ASTN2: variants seen among roughly 807,000 people sequenced by gnomAD.
ASTN2 encodes the protein astrotactin 2.
A neutral mutation model predicts 139.8 loss-of-function variants in ASTN2; 54 were observed. The ratio of observed to expected loss-of-function variants is 0.39; its 90% CI spans 0.31 to 0.48. The LOEUF is 0.48. Among genes scored for constraint, ASTN2 ranks in the 20% least tolerant of loss-of-function variants. The probability of loss-of-function intolerance (pLI) is 0.95; values close to 1 mark genes in which losing one functional copy is unlikely to be tolerated. For synonymous variants in ASTN2, 756 were observed against 719.5 expected (o/e 1.05, Z -0.81); for missense variants, 1,565 against 1,725.1 (o/e 0.91, Z 1.64).
intron 16 of ASTN2, chr9:116,686,669 A>C: frequency 1.9e-6 from 3 of 1,548,328 alleles, no homozygotes; most frequent in Non-Finnish European, 2.6e-6. Context: ...CCCGAGCAAA[A>C]CTACACTTGG....
chr9:116,640,973 T>A (rs1488220736), intron 17 of ASTN2, among the ~76,000 whole-genome samples: 1 of 151,996 alleles, frequency 6.6e-6, no homozygotes, highest in Non-Finnish European at 1.5e-5. Context: ...GGGGAATGGG[T>A]GCAGGTGGAA....
chr9:116,824,381 CTG>C (rs1379400344), intron 11 of ASTN2, among the ~76,000 whole-genome samples: 1 of 56,436 alleles, frequency 1.8e-5, no homozygotes, highest in Non-Finnish European at 3.9e-5. Context: ...CTCCCTCTGT[CTG>C]TCTCTCTCTC....
intron 22 of ASTN2, chr9:116,437,077 G>A (rs1327848276): frequency 8.0e-6 from 2 of 251,304 alleles, no homozygotes; most frequent in African/African-American, 4.7e-5. Flanking sequence ...GGGTGGGGGA[G>A]GGATAGCATT....
intron 10 of ASTN2, among the ~76,000 whole-genome samples, chr9:116,908,329 C>T (rs1834220975): frequency 6.6e-6 from 1 of 152,244 alleles, no homozygotes; most frequent in East Asian, 1.9e-4. Context: ...TCTAAGTCAG[C>T]CTTTTCCTCA....
intron 2 of ASTN2, among the ~76,000 whole-genome samples, chr9:117,255,956 C>G (rs543752438): frequency 6.6e-6 from 1 of 152,304 alleles, no homozygotes; most frequent in East Asian, 1.9e-4. Context: ...AAGCACACAT[C>G]TAGAGATAAT....
chr9:117,268,306 T>G (rs1833982165), intron 2 of ASTN2, among the ~76,000 whole-genome samples: 1 of 152,134 alleles, frequency 6.6e-6, no homozygotes, highest in Non-Finnish European at 1.5e-5. Context: ...AATAACCTCT[T>G]GGAAAATAAG....
chr9:116,964,682 T>C (rs1835967514), intron 10 of ASTN2, among the ~76,000 whole-genome samples: 1 of 152,180 alleles, frequency 6.6e-6, no homozygotes, highest in Non-Finnish European at 1.5e-5. Flanking sequence ...GGCCCTATGA[T>C]GTGGGTAGTT....
At chr9:116,732,310 C>A (rs1828806266) in intron 14 of ASTN2, among the ~76,000 whole-genome samples, 1 of 152,150 alleles carries the variant, frequency 6.6e-6, no homozygotes, top group South Asian at 2.1e-4. Context: ...AAGTGCCTGG[C>A]CCCCAGGACC....
intron 5 of ASTN2, among the ~76,000 whole-genome samples, chr9:117,076,002 A>C (rs1019025890): frequency 6.6e-6 from 1 of 152,206 alleles, no homozygotes; most frequent in African/African-American, 2.4e-5. Flanking sequence ...AGATCACAAG[A>C]ATCATACTGA....
intron 3 of ASTN2, among the ~76,000 whole-genome samples, chr9:117,195,018 T>A (rs552448203): frequency 6.6e-6 from 1 of 152,324 alleles, no homozygotes; most frequent in South Asian, 2.1e-4. Flanking sequence ...AGCATATTTA[T>A]TAACACCTGC....
chr9:116,866,527 A>T (rs1186565331), intron 10 of ASTN2, among the ~76,000 whole-genome samples: 1 of 152,176 alleles, frequency 6.6e-6, no homozygotes, highest in African/African-American at 2.4e-5. Context: ...AAGAGAGTTG[A>T]GGATCCTGGG....
chr9:116,900,027 C>A (rs970315817), intron 10 of ASTN2, among the ~76,000 whole-genome samples: 1 of 152,194 alleles, frequency 6.6e-6, no homozygotes, highest in African/African-American at 2.4e-5. Flanking sequence ...ATTCCCTAGG[C>A]CCCTGCTCGT....
At chr9:116,521,047 T>C (rs773492374) in intron 19 of ASTN2, among the ~76,000 whole-genome samples, 1 of 152,040 alleles carries the variant, frequency 6.6e-6, no homozygotes, top group African/African-American at 2.4e-5. Context: ...TATGAATGAA[T>C]AGAATCAATA....
intron 2 of ASTN2, among the ~76,000 whole-genome samples, chr9:117,225,535 GTATATATATATATATA>G (rs58184768): frequency 0.084 from 5,381 of 63,946 alleles, 508 homozygotes; most frequent in South Asian, 0.23. Flanking sequence ...CAAGCTGTAT[GTATATATATATATATA>G]TATATATATA....
At chr9:116,506,563 T>G (rs773252825) in intron 19 of ASTN2, among the ~76,000 whole-genome samples, 17 of 151,930 alleles carry the variant, frequency 1.1e-4, no homozygotes, top group Admixed American at 2.0e-4. Flanking sequence ...AAACTAGAGC[T>G]CTGGCCCTCA....
intron 4 of ASTN2, among the ~76,000 whole-genome samples, chr9:117,124,734 G>A (rs1164463580): frequency 1.3e-5 from 2 of 151,604 alleles, no homozygotes; most frequent in African/African-American, 4.9e-5. Context: ...GCTTCACAGA[G>A]GTTGAGGCTG....
chr9:117,397,341 G>A (rs1830704026), intron 1 of ASTN2, among the ~76,000 whole-genome samples: 1 of 151,996 alleles, frequency 6.6e-6, no homozygotes, highest in African/African-American at 2.4e-5. Context: ...GTTTCTAGGA[G>A]GACTAAGTTG....
At chr9:116,994,722 A>C (rs1484450299) in intron 7 of ASTN2, among the ~76,000 whole-genome samples, 1 of 152,212 alleles carries the variant, frequency 6.6e-6, no homozygotes, top group Non-Finnish European at 1.5e-5. Flanking sequence ...GAGTTCTATC[A>C]CAATAATTCT....
At chr9:116,759,322 C>G (rs917863222) in intron 13 of ASTN2, among the ~76,000 whole-genome samples, 1 of 152,256 alleles carries the variant, frequency 6.6e-6, no homozygotes, top group African/African-American at 2.4e-5. Context: ...AGAGTAAAAG[C>G]AAATAATTTA....
Sources: gnomAD v4.1 joint callset for allele counts (sites outside exome capture counted in the v4.1 genomes callset) on GRCh38, gnomAD v4.1.1 for gene constraint, MANE v1.5 for transcripts, NCBI Gene and HGNC (gene_info 2026-07-23, HGNC 2026-07-21) for gene names.